MRPS27: variants seen among roughly 807,000 people sequenced by gnomAD.
MRPS27 encodes small ribosomal subunit protein mS27.
In MRPS27, 43 loss-of-function variants were observed where a neutral mutation model predicts 48.9. The observed-to-expected ratio is 0.88, with a 90% confidence interval of 0.69 to 1.13. MRPS27 has a LOEUF of 1.13. Among genes scored for constraint, MRPS27 ranks in the 50% most tolerant of loss-of-function variants. MRPS27 has a pLI of 0.00. For synonymous variants in MRPS27, 188 were observed against 171.9 expected, an observed-to-expected ratio of 1.09 and a Z score of -0.73; for missense variants, 467 against 476.3, an observed-to-expected ratio of 0.98 and a Z score of 0.18.
chr5:72,276,037 G>C (rs1012597914), intron 4 of MRPS27, among the ~76,000 whole-genome samples: 1 of 150,988 alleles, frequency 6.6e-6, no homozygotes, highest in African/African-American at 2.4e-5. Context: ...GTGTGGGGGG[G>C]GTACTATGAA....
chr5:72,224,816 G>T (rs1179214751), intron 9 of MRPS27, among the ~76,000 whole-genome samples: 1 of 152,140 alleles, frequency 6.6e-6, no homozygotes, highest in African/African-American at 2.4e-5. Flanking sequence ...TCACTTTGAG[G>T]TATATCTCCC....
chr5:72,224,419 G>A (rs572130595), intron 9 of MRPS27, among the ~76,000 whole-genome samples: 4 of 152,212 alleles, frequency 2.6e-5, no homozygotes, highest in African/African-American at 4.8e-5. Context: ...AAGTGAATCC[G>A]CACAATGGCA....
intron 4 of MRPS27, among the ~76,000 whole-genome samples, chr5:72,274,262 G>A (rs1749318454): frequency 1.3e-5 from 2 of 152,220 alleles, no homozygotes; most frequent in African/African-American, 4.8e-5. Context: ...GCTGAGGCAG[G>A]AGAATCGCTT....
In MRPS27 at chr5:72,228,252, A is replaced by G. The variant is rs757068201; in HGVS notation, c.694+14T>C. 2.6e-6 allele frequency: 4 copies of G among 1,568,550 alleles called. No homozygotes were observed. Among genetic ancestry groups the G allele is most frequent in the Non-Finnish European group, 3.5e-6 (4 of 1,138,690 alleles). On this transcript the variant is annotated intron_variant, in intron 8 of 10. Coordinates refer to ENST00000261413, the MANE Select transcript of MRPS27 (RefSeq NM_015084.3). The stretch of plus-strand genomic sequence containing the variant: ...ACCATGAAGAACAGTATTTGTAAGG[A>G]TCATTTAGCTTACCAAGAAGTGCAT...
In MRPS27 at chr5:72,219,403, T is replaced by C. The variant is rs1747678606; in HGVS notation, c.*1506A>G. The stretch of plus-strand genomic sequence containing the variant: ...TAATAAATATTAGTGGTGGCAGTTA[T>C]CATTATTACAATAAATCCCATAGTT... On this transcript the variant is annotated 3_prime_UTR_variant, in exon 11 of 11. Coordinates refer to ENST00000261413, the MANE Select transcript of MRPS27 (RefSeq NM_015084.3). The C allele has an allele frequency of 6.6e-6, 1 of 152,206 alleles. No homozygotes were observed. The highest frequency in any genetic ancestry group is 1.5e-5 in the Non-Finnish European group (1 of 68,026). 9.4% of individuals were successfully genotyped at this position (152,206 alleles called of 1,614,324 possible). A position where few individuals can be genotyped will look rare whatever the true frequency, so the allele number is the denominator to read the frequency against.
At chr5:72,276,479 C>A (rs1485843624) in intron 4 of MRPS27, among the ~76,000 whole-genome samples, 1 of 152,112 alleles carries the variant, frequency 6.6e-6, no homozygotes, top group Non-Finnish European at 1.5e-5. Flanking sequence ...AAAATCGAGG[C>A]AGTATCATTC....
chr5:72,297,702 G>T lies in MRPS27; in HGVS notation c.152C>A (p.Ala51Asp). 6.4e-7 allele frequency: 1 copy of T among 1,570,358 alleles called. No individual in the cohort carries two copies. Reference sequence around the variant, plus strand: ...TTTATCCATTAAAGATGCAAGATCAGCTGTGAAGACAAAAAAAGAAAAAAA... The same window carrying T: ...TTTATCCATTAAAGATGCAAGATCATCTGTGAAGACAAAAAAAGAAAAAAA... The part of the protein sequence containing the change: ...EAREKEHYCL[A>D]DLASLMDKTF... The change falls in exon 3 of 11, where the codon GCT (alanine) becomes GAT (aspartate). Residue 51 changes from alanine to aspartate, a missense_variant and splice_region_variant. By Grantham distance (126) the Ala-to-Asp change is moderately radical (BLOSUM62 -2). Transcript: ENST00000261413.
chr5:72,225,994 T>A, intron 9 of MRPS27, 63 bp downstream of exon 9: 1 of 1,539,796 alleles, frequency 6.5e-7, no homozygotes, highest in Non-Finnish European at 8.8e-7. Flanking sequence ...GAAAACAAAT[T>A]TAAAGCTCAG....
At chr5:72,279,722 AAAC>A (rs1749481968) in intron 4 of MRPS27, among the ~76,000 whole-genome samples, 1 of 152,332 alleles carries the variant, frequency 6.6e-6, no homozygotes, top group Non-Finnish European at 1.5e-5. Flanking sequence ...CTTAGTAATA[AAAC>A]AAAACAAAAA....
At chr5:72,222,028 A>G (rs770399176) in intron 10 of MRPS27, among the ~76,000 whole-genome samples, 8 of 152,188 alleles carry the variant, frequency 5.3e-5, no homozygotes, top group Non-Finnish European at 1.5e-5. Flanking sequence ...AATGCCACTC[A>G]TTGGCACAGG....
At chr5:72,294,409 CTAAT>C (rs1749922606) in intron 4 of MRPS27, 1 of 152,106 alleles carries the variant, frequency 6.6e-6, no homozygotes, top group Admixed American at 6.5e-5. Context: ...ATGGGAAACT[CTAAT>C]GCAATGCTTA....
intron 4 of MRPS27, chr5:72,241,778 G>C: frequency 7.9e-7 from 1 of 1,258,050 alleles, no homozygotes; most frequent in Non-Finnish European, 1.1e-6. Context: ...GTTCTCGCCT[G>C]CTCTGACCAC....
rs1270200754 is a variant in MRPS27, at chr5:72,219,412, C to T, written c.*1497G>A. On this transcript the variant is annotated 3_prime_UTR_variant, in exon 11 of 11. Coordinates refer to ENST00000261413, the MANE Select transcript of MRPS27 (RefSeq NM_015084.3). ...TTAGTGGTGGCAGTTATCATTATTACAATAAATCCCATAGTTTAATGGGGG... is the reference window on the plus strand; with the variant it reads ...TTAGTGGTGGCAGTTATCATTATTATAATAAATCCCATAGTTTAATGGGGG... 2 of 152,114 alleles carry T rather than the reference C, an allele frequency of 1.3e-5. No individual in the cohort carries two copies. Among genetic ancestry groups the T allele is most frequent in the African/African-American group, 2.4e-5 (1 of 41,410 alleles). The allele number at this position is 152,114 out of a possible 1,614,324, so 9.4% of individuals were successfully genotyped here.
At chr5:72,320,065 C>A in intron 1 of MRPS27, 84 bp downstream of exon 1, 2 of 1,419,146 alleles carry the variant, frequency 1.4e-6, no homozygotes. Flanking sequence ...ATTCCAGAAA[C>A]GTTTCCTCTC....
chr5:72,252,226 C>T (rs1460999279), intron 4 of MRPS27, among the ~76,000 whole-genome samples: 3 of 152,156 alleles, frequency 2.0e-5, no homozygotes, highest in Non-Finnish European at 4.4e-5. Context: ...TTTTCACATT[C>T]CCATGCAACC....
chr5:72,285,350 CA>C (rs1749645252), intron 4 of MRPS27, among the ~76,000 whole-genome samples: 1 of 152,204 alleles, frequency 6.6e-6, no homozygotes, highest in African/African-American at 2.4e-5. Flanking sequence ...TTGCTGATAA[CA>C]ACATCAATCC....
At chr5:72,227,674 GC>G (rs545996935) in intron 8 of MRPS27, 2 of 152,362 alleles carry the variant, frequency 1.3e-5, no homozygotes, top group South Asian at 4.1e-4. Context: ...AGGTTCCGAG[GC>G]CACTCTTCAG....
At chr5:72,293,823 A>G (rs1262411287) in intron 4 of MRPS27, among the ~76,000 whole-genome samples, 2 of 152,210 alleles carry the variant, frequency 1.3e-5, no homozygotes, top group African/African-American at 4.8e-5. Context: ...AGAAATTGAA[A>G]CTATGTTCTG....
At chr5:72,272,639 C>T (rs941096824) in intron 4 of MRPS27, among the ~76,000 whole-genome samples, 1 of 152,198 alleles carries the variant, frequency 6.6e-6, no homozygotes, top group African/African-American at 2.4e-5. Flanking sequence ...AACCTTTCCC[C>T]TTTGCTGATT....
Sources: gnomAD v4.1 joint callset for allele counts (sites outside exome capture counted in the v4.1 genomes callset) on GRCh38, gnomAD v4.1.1 for gene constraint, MANE v1.5 for transcripts, NCBI Gene and HGNC (gene_info 2026-07-23, HGNC 2026-07-21) for gene names.